The following KCNIP4 variants were observed in gnomAD, a reference collection of about 807,000 sequenced individuals.
KCNIP4 encodes potassium voltage-gated channel interacting protein 4.
Under a neutral mutation model 34.0 loss-of-function variants are expected in KCNIP4, and 12 were observed. That is an observed-to-expected ratio of 0.35 (90% CI 0.23 to 0.57). The LOEUF (loss-of-function observed/expected upper bound fraction) is 0.57. Ranked by LOEUF, KCNIP4 falls within the 20% of genes least tolerant of loss-of-function variation. The pLI is 0.83. For synonymous variants in KCNIP4, 124 were observed against 102.2 expected (o/e 1.21, Z -1.29); for missense variants, 238 against 311.7 (o/e 0.76, Z 1.78).
chr4:21,644,319 C>T (rs1285192551), intron 1 of KCNIP4, among the ~76,000 whole-genome samples: 1 of 152,086 alleles, frequency 6.6e-6, no homozygotes, highest in African/African-American at 2.4e-5. Context: ...GGTAAGCTTA[C>T]AGAACTCATG....
At chr4:20,868,033 G>A (rs1723049725) in intron 2 of KCNIP4, among the ~76,000 whole-genome samples, 1 of 151,436 alleles carries the variant, frequency 6.6e-6, no homozygotes, top group Non-Finnish European at 1.5e-5. Flanking sequence ...ATAAAAAAAA[G>A]AAGCTATCAA....
At chr4:21,103,767 A>T (rs1357551213) in intron 1 of KCNIP4, among the ~76,000 whole-genome samples, 2 of 118,544 alleles carry the variant, frequency 1.7e-5, no homozygotes, top group African/African-American at 6.5e-5. Context: ...CCAGAGTGTG[A>T]TGTTCCCCTT....
intron 1 of KCNIP4, among the ~76,000 whole-genome samples, chr4:21,899,946 C>T (rs1727614403): frequency 6.6e-6 from 1 of 151,326 alleles, no homozygotes; most frequent in Non-Finnish European, 1.5e-5. Flanking sequence ...CCACAAAAGC[C>T]AAAGCTATCC....
intron 1 of KCNIP4, among the ~76,000 whole-genome samples, chr4:21,715,612 A>C (rs1179766841): frequency 6.6e-6 from 1 of 152,188 alleles, no homozygotes; most frequent in Non-Finnish European, 1.5e-5. Flanking sequence ...TTTGCTACAA[A>C]ATAAATTATT....
At chr4:21,898,343 A>G in intron 1 of KCNIP4, among the ~76,000 whole-genome samples, 1 of 151,906 alleles carries the variant, frequency 6.6e-6, no homozygotes, top group East Asian at 1.9e-4. Flanking sequence ...TGCTTCCCCA[A>G]CCCCAGGCAG....
intron 1 of KCNIP4, among the ~76,000 whole-genome samples, chr4:21,281,259 G>T (rs1762759873): frequency 2.0e-5 from 3 of 151,596 alleles, no homozygotes; most frequent in Admixed American, 2.0e-4. Flanking sequence ...GCTAATTTTT[G>T]TATTTTTTAG....
chr4:21,798,083 T>C (rs1179420269), intron 1 of KCNIP4, among the ~76,000 whole-genome samples: 2 of 151,814 alleles, frequency 1.3e-5, no homozygotes, highest in African/African-American at 4.9e-5. Context: ...CCTTTCCTTC[T>C]TTCTCTCTCC....
intron 3 of KCNIP4, among the ~76,000 whole-genome samples, chr4:20,824,345 A>T (rs1717464646): frequency 6.6e-6 from 1 of 152,232 alleles, no homozygotes; most frequent in Non-Finnish European, 1.5e-5. Flanking sequence ...AGGCACAAAA[A>T]TTAGCCTGGT....
At chr4:21,523,549 C>G (rs75919372) in intron 1 of KCNIP4, among the ~76,000 whole-genome samples, 1 of 151,674 alleles carries the variant, frequency 6.6e-6, no homozygotes, top group African/African-American at 2.4e-5. Flanking sequence ...TCCTTCCTTC[C>G]GTCCTTCCTT....
At chr4:21,658,412 C>T (rs1424014451) in intron 1 of KCNIP4, among the ~76,000 whole-genome samples, 5 of 151,918 alleles carry the variant, frequency 3.3e-5, no homozygotes, top group Admixed American at 6.6e-5. Flanking sequence ...TCACATAGGG[C>T]ACATCCCTTT....
intron 1 of KCNIP4, among the ~76,000 whole-genome samples, chr4:21,390,767 G>A (rs926431505): frequency 7.2e-5 from 11 of 152,178 alleles, no homozygotes; most frequent in African/African-American, 2.7e-4. Context: ...TTTGGCTTAG[G>A]ATTGTCTTGG....
chr4:20,895,367 A>G (rs1208877687), intron 1 of KCNIP4, among the ~76,000 whole-genome samples: 1 of 152,210 alleles, frequency 6.6e-6, no homozygotes, highest in Non-Finnish European at 1.5e-5. Flanking sequence ...GTATTAAAAA[A>G]TAATAATGTG....
intron 1 of KCNIP4, among the ~76,000 whole-genome samples, chr4:21,694,101 G>T (rs1711991451): frequency 1.3e-5 from 2 of 152,140 alleles, no homozygotes; most frequent in African/African-American, 4.8e-5. Context: ...ACATAAAGAA[G>T]AAACAGTTCA....
chr4:21,788,220 A>AT (rs1171853213), intron 1 of KCNIP4, among the ~76,000 whole-genome samples: 14 of 152,158 alleles, frequency 9.2e-5, no homozygotes, highest in Admixed American at 9.2e-4. Context: ...GAGCAATGCT[A>AT]TTAGAGATTA....
chr4:21,044,811 C>G (rs1325161271), intron 1 of KCNIP4, among the ~76,000 whole-genome samples: 1 of 152,184 alleles, frequency 6.6e-6, no homozygotes, highest in Non-Finnish European at 1.5e-5. Flanking sequence ...ATTTCCATGT[C>G]CAGGGGAATC....
At chr4:21,603,003 T>C (rs1341936299) in intron 1 of KCNIP4, among the ~76,000 whole-genome samples, 2 of 152,190 alleles carry the variant, frequency 1.3e-5, no homozygotes, top group Non-Finnish European at 2.9e-5. Context: ...TCTATTCAGC[T>C]TTGATTATTC....
chr4:21,389,948 T>A (rs1487176184), intron 1 of KCNIP4, among the ~76,000 whole-genome samples: 2 of 149,456 alleles, frequency 1.3e-5, no homozygotes, highest in Non-Finnish European at 3.0e-5. Flanking sequence ...TTTCTCCACA[T>A]CCTCTCCAGC....
chr4:21,728,415 C>T (rs1020479146), intron 1 of KCNIP4, among the ~76,000 whole-genome samples: 8 of 152,122 alleles, frequency 5.3e-5, no homozygotes, highest in Non-Finnish European at 7.3e-5. Context: ...CACTGCCACC[C>T]CAGAACTGCA....
chr4:21,746,521 G>C (rs1440908154), intron 1 of KCNIP4, among the ~76,000 whole-genome samples: 1 of 151,518 alleles, frequency 6.6e-6, no homozygotes, highest in African/African-American at 2.4e-5. Flanking sequence ...TTTTGGGAAG[G>C]AAACTTTCAA....
Sources: allele counts gnomAD v4.1 joint callset (sites outside exome capture counted in the v4.1 genomes callset), GRCh38; gene constraint gnomAD v4.1.1; transcripts MANE v1.5; gene names NCBI Gene and HGNC (gene_info 2026-07-23, HGNC 2026-07-21).